CPNE1: variants seen among roughly 807,000 people sequenced by gnomAD.
CPNE1 encodes copine-1.
Under a neutral mutation model 63.2 loss-of-function variants are expected in CPNE1, and 58 were observed. The observed-to-expected ratio is 0.92, with a 90% CI of 0.74 to 1.14. CPNE1 has a LOEUF of 1.14. CPNE1 is among the 50% of genes most tolerant of loss of function. CPNE1 has a pLI of 0.00. For synonymous variants in CPNE1, 237 were observed against 249.0 expected (o/e 0.95, Z 0.45); for missense variants, 672 against 661.7 (o/e 1.02, Z -0.17).
intron 1 of CPNE1, chr20:35,653,414 T>G: frequency 6.2e-7 from 1 of 1,614,068 alleles, no homozygotes; most frequent in Non-Finnish European, 8.5e-7. Flanking sequence ...TTTAATCCCT[T>G]TTTTCCTTGG....
intron 13 of CPNE1, among the ~76,000 whole-genome samples, chr20:35,628,965 CACT>C (rs1238809896): frequency 6.6e-6 from 1 of 152,226 alleles, no homozygotes; most frequent in Non-Finnish European, 1.5e-5. Context: ...CAGGGCTATT[CACT>C]ACAGCATTCT....
chr20:35,654,634 G>A (rs905877926), intron 1 of CPNE1: 1 of 1,614,178 alleles, frequency 6.2e-7, no homozygotes, highest in Non-Finnish European at 8.5e-7. Flanking sequence ...TGGCACAGAA[G>A]GAACTGGGGG....
At position 35,632,250 on chromosome 20, in the gene CPNE1, T is replaced by A. The variant is rs113306960; in HGVS notation, c.385-16A>T. The A allele has an allele frequency of 1.2e-6, 2 of 1,613,406 alleles. No homozygotes were observed. The highest frequency in any genetic ancestry group is 2.2e-5 in the East Asian group (1 of 44,886). ...GAGCTGAGACCTAGGTAGGGGAGACTACATCACCTCATGAATTCATTGATG... is the reference window on the plus strand; with the variant it reads ...GAGCTGAGACCTAGGTAGGGGAGACAACATCACCTCATGAATTCATTGATG... On this transcript the variant is annotated splice_polypyrimidine_tract_variant and intron_variant, in intron 4 of 15. Coordinates refer to ENST00000397443, the MANE Select transcript of CPNE1 (RefSeq NM_152925.3).
At chr20:35,633,146 G>A (rs1435893165) in intron 1 of CPNE1, among the ~76,000 whole-genome samples, 1 of 152,142 alleles carries the variant, frequency 6.6e-6, no homozygotes, top group Admixed American at 6.5e-5. Flanking sequence ...ACCCTGGTCT[G>A]AAGATATTGA....
intron 1 of CPNE1, among the ~76,000 whole-genome samples, chr20:35,647,148 T>C (rs1206312236): frequency 1.3e-5 from 2 of 151,662 alleles, no homozygotes; most frequent in African/African-American, 4.8e-5. Context: ...CCATCTCTAC[T>C]AAAAATACAA....
In CPNE1 at chr20:35,645,125, C is replaced by A. The variant is rs138373570; in HGVS notation, c.1-12202G>T. Among the ~76,000 whole-genome samples the A allele has an allele frequency of 1.7e-4, 26 of 152,166 alleles. No homozygotes were observed. In the East Asian group the frequency reaches 4.1e-3, roughly 24 times the overall value. ...AATACCTGTGCATCTACAGTGTGCACAAAAGGAGTGTATATCTCCTACAGC... is the reference window on the plus strand; with the variant it reads ...AATACCTGTGCATCTACAGTGTGCAAAAAAGGAGTGTATATCTCCTACAGC... On this transcript the variant is annotated intron_variant, in intron 1 of 15. Coordinates refer to ENST00000397443, the MANE Select transcript of CPNE1 (RefSeq NM_152925.3).
At chr20:35,645,499 G>C (rs2033050245) in intron 1 of CPNE1, among the ~76,000 whole-genome samples, 1 of 152,198 alleles carries the variant, frequency 6.6e-6, no homozygotes, top group African/African-American at 2.4e-5. Context: ...ACCCTCAACT[G>C]TTGAAGAACA....
intron 1 of CPNE1, among the ~76,000 whole-genome samples, chr20:35,637,018 A>C (rs752494849): frequency 6.6e-6 from 1 of 152,146 alleles, no homozygotes; most frequent in African/African-American, 2.4e-5. Flanking sequence ...TGTATTTTTT[A>C]AAAGGCCTTA....
intron 1 of CPNE1, among the ~76,000 whole-genome samples, chr20:35,643,647 G>T (rs1427380616): frequency 1.3e-5 from 2 of 152,086 alleles, no homozygotes; most frequent in East Asian, 3.9e-4. Flanking sequence ...GCAGGCTGAG[G>T]CAGGAGAATT....
intron 1 of CPNE1, chr20:35,659,132 G>T: frequency 5.9e-6 from 2 of 336,546 alleles, no homozygotes; most frequent in Non-Finnish European, 1.0e-5. Flanking sequence ...TCATTAGAAT[G>T]CATATCAAAA....
intron 1 of CPNE1, chr20:35,651,875 T>C (rs2033546930): frequency 6.6e-6 from 1 of 152,618 alleles, no homozygotes; most frequent in Non-Finnish European, 1.5e-5. Context: ...AAACGAAGTG[T>C]GGACTTTTAT....
chr20:35,663,805 A>G (rs896702401), intron 1 of CPNE1, among the ~76,000 whole-genome samples: 2 of 152,186 alleles, frequency 1.3e-5, no homozygotes, highest in Non-Finnish European at 2.9e-5. Flanking sequence ...CAACCCCGTC[A>G]CTAACCTGTA....
intron 13 of CPNE1, chr20:35,627,617 G>C (rs907534852): frequency 1.3e-5 from 6 of 478,112 alleles, no homozygotes; most frequent in Non-Finnish European, 3.7e-6. Flanking sequence ...CTAAATCACA[G>C]CTTGAATTAG....
At position 35,632,877 on chromosome 20, in the gene CPNE1, T is replaced by C; in HGVS notation, c.47A>G (p.His16Arg). The C allele has an allele frequency of 1.1e-6, 1 of 872,926 alleles. No homozygotes were observed. The highest frequency in any genetic ancestry group is 2.0e-6 in the Non-Finnish European group (1 of 501,652). 54.1% of individuals were successfully genotyped at this position (872,926 alleles called of 1,614,324 possible). A position where few individuals can be genotyped will look rare whatever the true frequency, so the allele number is the denominator to read the frequency against. Residue 16 changes from histidine (H) to arginine (R), a missense_variant, in exon 2 of 16, where the codon CAT becomes CGT. By Grantham distance (29) the His-to-Arg change is conservative. Transcript: ENST00000397443. Reference protein sequence around the residue: ...TLVQLSISCDHLIDKDIGSKS... With the variant: ...TLVQLSISCDRLIDKDIGSKS... Reference sequence around the variant, plus strand: ...GGAGCCGATGTCCTTGTCAATGAGATGGTCACAGGAAATGGACAGCTGAAC... The same window carrying C: ...GGAGCCGATGTCCTTGTCAATGAGACGGTCACAGGAAATGGACAGCTGAAC...
chr20:35,626,399 A>G lies in CPNE1; in HGVS notation c.1474-18T>C. ...CGAGGGGCCTGCCAAGAAAAGGGAA[A>G]AGTCAGTGGTGGCCCAGAACAGCTG... On this transcript the variant is annotated intron_variant, in intron 15 of 15. Coordinates refer to ENST00000397443, the MANE Select transcript of CPNE1 (RefSeq NM_152925.3). 6.2e-7 allele frequency: 1 copy of G among 1,613,000 alleles called. No individual in the cohort carries two copies. The highest frequency in any genetic ancestry group is 8.5e-7 in the Non-Finnish European group (1 of 1,179,168).
chr20:35,664,875 C>G lies in CPNE1; in HGVS notation c.-116G>C, dbSNP rs1410413193. On this transcript the variant is annotated 5_prime_UTR_variant, in exon 1 of 16. Coordinates refer to ENST00000397443, the MANE Select transcript of CPNE1 (RefSeq NM_152925.3). The stretch of plus-strand genomic sequence containing the variant: ...GGCTTCCCGGAGCCCAACGCAGCCA[C>G]CACCTCCTTCGCCGCTTCACAAAAT... 1 of 152,386 alleles carries G rather than the reference C, an allele frequency of 6.6e-6. No homozygotes were observed. Among genetic ancestry groups the G allele is most frequent in the Admixed American group, 6.5e-5 (1 of 15,294 alleles). 9.4% of individuals were successfully genotyped at this position (152,386 alleles called of 1,614,324 possible).
intron 1 of CPNE1, chr20:35,647,472 G>A (rs1169449290): frequency 1.3e-5 from 2 of 152,078 alleles, no homozygotes; most frequent in Non-Finnish European, 2.9e-5. Flanking sequence ...TGGGGCTATT[G>A]ACAGAATTCA....
Position 35,632,933 on chromosome 20 carries a change from A to G in CPNE1, c.1-10T>C. 2 of 869,692 alleles carry G rather than the reference A, an allele frequency of 2.3e-6. No individual in the cohort carries two copies. Among genetic ancestry groups the G allele is most frequent in the South Asian group, 2.6e-5 (2 of 75,952 alleles). The allele number at this position is 869,692 out of a possible 1,614,324, so 53.9% of individuals were successfully genotyped here. ...TCACGCAGTGGGCCATCTGAGGGAA[A>G]AGGAGCTGGGTCAAGCACCAGGGAG... On this transcript the variant is annotated splice_polypyrimidine_tract_variant and intron_variant, in intron 1 of 15. Transcript: ENST00000397443.
At chr20:35,658,839 A>T (rs1230674581) in intron 1 of CPNE1, 10 of 646,170 alleles carry the variant, frequency 1.5e-5, no homozygotes, top group Admixed American at 2.3e-5. Context: ...ACACACACAC[A>T]ATATAGTTGC....
Sources: gnomAD v4.1 joint callset for allele counts (sites outside exome capture counted in the v4.1 genomes callset) on GRCh38, gnomAD v4.1.1 for gene constraint, MANE v1.5 for transcripts, NCBI Gene and HGNC (gene_info 2026-07-23, HGNC 2026-07-21) for gene names.